Variants in DLG2 observed in about 807,000 individuals in gnomAD.
DLG2 encodes the protein disks large homolog 2.
DLG2 carries 45 observed loss-of-function variants against 132.5 expected under a neutral mutation model. That is an observed-to-expected ratio of 0.34 (90% CI 0.27 to 0.44). The LOEUF is 0.44. Ranked by LOEUF, DLG2 falls within the 20% of genes least tolerant of loss-of-function variation. The probability of loss-of-function intolerance (pLI) is 1.00; values close to 1 mark genes in which losing one functional copy is unlikely to be tolerated. For missense variants in DLG2, 1,045 were observed against 1,196.9 expected (o/e 0.87, Z 1.87); for synonymous variants, 424 against 419.6 (o/e 1.01, Z -0.13).
chr11:84,133,627 CCTTCTTCTT>C (rs10536022), intron 9 of DLG2, among the ~76,000 whole-genome samples: 205 of 151,026 alleles, frequency 1.4e-3, no homozygotes, highest in African/African-American at 4.7e-3. Flanking sequence ...ATAATTTTTT[CCTTCTTCTT>C]CTTCTTCTAC....
chr11:84,981,177 A>G (rs897274515), intron 6 of DLG2, among the ~76,000 whole-genome samples: 3 of 152,216 alleles, frequency 2.0e-5, no homozygotes, highest in Non-Finnish European at 4.4e-5. Flanking sequence ...TATTATGAAA[A>G]TGAACTAAAC....
chr11:85,165,952 C>T (rs1377967994), intron 4 of DLG2, among the ~76,000 whole-genome samples: 1 of 152,108 alleles, frequency 6.6e-6, no homozygotes, highest in East Asian at 1.9e-4. Context: ...CAGCTAACTA[C>T]TACACTAAAC....
intron 3 of DLG2, among the ~76,000 whole-genome samples, chr11:85,457,071 T>C (rs1329197448): frequency 1.3e-5 from 2 of 152,218 alleles, no homozygotes; most frequent in East Asian, 3.8e-4. Flanking sequence ...TCTAGGTCTC[T>C]GAGAAATTGC....
chr11:84,774,509 G>T (rs1298556362), intron 6 of DLG2, among the ~76,000 whole-genome samples: 1 of 151,916 alleles, frequency 6.6e-6, no homozygotes, highest in African/African-American at 2.4e-5. Flanking sequence ...TAAGCAAAAA[G>T]AACAAAGCTT....
At chr11:85,400,765 C>T (rs1429802928) in intron 3 of DLG2, among the ~76,000 whole-genome samples, 1 of 151,046 alleles carries the variant, frequency 6.6e-6, no homozygotes, top group African/African-American at 2.4e-5. Context: ...GGGAACATCA[C>T]ACTCTGGAGA....
intron 19 of DLG2, among the ~76,000 whole-genome samples, chr11:83,567,640 C>A (rs939669001): frequency 6.6e-6 from 1 of 152,092 alleles, no homozygotes; most frequent in Admixed American, 6.6e-5. Flanking sequence ...GCGTAGATTG[C>A]AACAGAGGAC....
chr11:83,920,547 T>C (rs766036480), intron 15 of DLG2, among the ~76,000 whole-genome samples: 26 of 152,232 alleles, frequency 1.7e-4, no homozygotes, highest in Admixed American at 3.9e-4. Flanking sequence ...AACAGTCTTT[T>C]GAAAAAAAAT....
chr11:84,706,948 T>C (rs2059846932), intron 6 of DLG2, among the ~76,000 whole-genome samples: 2 of 151,776 alleles, frequency 1.3e-5, no homozygotes. Flanking sequence ...TTCTCTAAAG[T>C]TATATTTAAG....
At chr11:84,737,344 A>G (rs1259874842) in intron 6 of DLG2, among the ~76,000 whole-genome samples, 6 of 151,996 alleles carry the variant, frequency 3.9e-5, no homozygotes, top group African/African-American at 1.4e-4. Flanking sequence ...TTTTATACCA[A>G]GGCAATATAG....
At chr11:84,781,406 C>T (rs988916553) in intron 6 of DLG2, among the ~76,000 whole-genome samples, 3 of 151,918 alleles carry the variant, frequency 2.0e-5, no homozygotes, top group African/African-American at 7.3e-5. Flanking sequence ...CACATAGGAC[C>T]TCCTCCCTGA....
chr11:84,260,165 T>C (rs2097532697), intron 7 of DLG2, among the ~76,000 whole-genome samples: 2 of 152,130 alleles, frequency 1.3e-5, no homozygotes, highest in African/African-American at 2.4e-5. Context: ...GCAGAAATGA[T>C]GGAGCAGCCT....
chr11:84,341,647 C>T (rs983134660), intron 7 of DLG2, among the ~76,000 whole-genome samples: 10 of 152,170 alleles, frequency 6.6e-5, no homozygotes, highest in South Asian at 4.1e-4. Flanking sequence ...TGCCCAAGGG[C>T]GACTTTACCT....
At chr11:84,600,128 G>T (rs1238096727) in intron 6 of DLG2, among the ~76,000 whole-genome samples, 2 of 97,284 alleles carry the variant, frequency 2.1e-5, no homozygotes, top group African/African-American at 3.9e-5. Context: ...GAAAGAAAGA[G>T]AAAGAAAGAA....
chr11:83,681,350 G>A (rs1242545426), intron 18 of DLG2, among the ~76,000 whole-genome samples: 1 of 152,118 alleles, frequency 6.6e-6, no homozygotes, highest in Admixed American at 6.5e-5. Flanking sequence ...AGGACCTGGA[G>A]CAAATACCCG....
rs2068230011 is a variant in DLG2 at position 84,765,185 on chromosome 11, T to C, written c.358-230454A>G. The stretch of plus-strand genomic sequence containing the variant: ...GACCACTAGGTTTTTGGATCCTCCA[T>C]AATGCCTAGAACAGACTGTACTTTC... On this transcript the variant is annotated intron_variant, in intron 6 of 27. Transcript: ENST00000376104. 1.3e-5 allele frequency among the ~76,000 whole-genome samples: 2 copies of C among 152,110 alleles called. 1 individual carries two copies. Among genetic ancestry groups the C allele is most frequent in the South Asian group, 4.1e-4 (2 of 4,830 alleles).
At chr11:83,947,340 T>G (rs1325756540) in intron 14 of DLG2, among the ~76,000 whole-genome samples, 1 of 152,224 alleles carries the variant, frequency 6.6e-6, no homozygotes, top group African/African-American at 2.4e-5. Context: ...AGATTCTTCT[T>G]AATTAACATC....
chr11:85,425,652 G>A (rs938563989), intron 3 of DLG2, among the ~76,000 whole-genome samples: 10 of 151,960 alleles, frequency 6.6e-5, no homozygotes, highest in Admixed American at 2.0e-4. Context: ...GAAAAAAATC[G>A]GGGGTGGAGG....
chr11:85,117,588 A>G (rs2073792142), intron 5 of DLG2, among the ~76,000 whole-genome samples: 1 of 149,380 alleles, frequency 6.7e-6, no homozygotes, highest in Non-Finnish European at 1.5e-5. Flanking sequence ...AGGATCAATA[A>G]CCAACTAGTA....
At chr11:85,480,440 T>C (rs1253909887) in intron 3 of DLG2, among the ~76,000 whole-genome samples, 6 of 152,126 alleles carry the variant, frequency 3.9e-5, no homozygotes, top group Non-Finnish European at 8.8e-5. Context: ...GAGCTACAAG[T>C]ATCCATAAGG....
Sources: gnomAD v4.1 joint callset for allele counts (sites outside exome capture counted in the v4.1 genomes callset) on GRCh38, gnomAD v4.1.1 for gene constraint, MANE v1.5 for transcripts, NCBI Gene and HGNC (gene_info 2026-07-23, HGNC 2026-07-21) for gene names.